Variants in DOK5 observed in about 807,000 individuals in gnomAD.
DOK5 encodes the protein downstream of tyrosine kinase 5.
In DOK5, 27 loss-of-function variants were observed where a neutral mutation model predicts 43.3. The ratio of observed to expected loss-of-function variants is 0.62; its 90% CI spans 0.46 to 0.86. The LOEUF (loss-of-function observed/expected upper bound fraction) is 0.86, where lower values mean the gene tolerates loss of function less well. Ranked by LOEUF, DOK5 falls within the 40% of genes least tolerant of loss-of-function variation. DOK5 has a pLI of 0.00. For missense variants in DOK5, 373 were observed against 392.9 expected (o/e 0.95, Z 0.43); for synonymous variants, 146 against 140.1 (o/e 1.04, Z -0.30).
intron 6 of DOK5, among the ~76,000 whole-genome samples, chr20:54,634,149 A>G (rs1461515833): frequency 6.6e-6 from 1 of 152,180 alleles, no homozygotes; most frequent in Non-Finnish European, 1.5e-5. Flanking sequence ...GTGACAAGCT[A>G]TGCGCAGTGG....
intron 6 of DOK5, among the ~76,000 whole-genome samples, chr20:54,637,366 G>A (rs978272555): frequency 3.9e-5 from 6 of 152,268 alleles, no homozygotes; most frequent in African/African-American, 1.2e-4. Context: ...TGAAGTACAA[G>A]AAGGCATTTG....
chr20:54,619,519 C>A (rs567005800), intron 6 of DOK5, among the ~76,000 whole-genome samples: 12 of 152,298 alleles, frequency 7.9e-5, no homozygotes, highest in Non-Finnish European at 1.5e-4. Flanking sequence ...GTGAAGAATG[C>A]CTGCTTTTAA....
Position 54,605,136 on chromosome 20 carries a change from CAG to C in DOK5, c.600-5238_600-5237del, listed in dbSNP as rs375163730. ...ACACACACACACACACAAACACACA[CAG>C]AGAGAGAGAGAGACAGAGAGAGCCA... is the stretch of plus-strand genomic sequence containing the variant. On this transcript the variant is annotated intron_variant, in intron 5 of 7. Coordinates refer to ENST00000262593, the MANE Select transcript of DOK5 (RefSeq NM_018431.5). Among the ~76,000 whole-genome samples, 14 of 150,784 alleles carry C rather than the reference CAG, an allele frequency of 9.3e-5. No individual in the cohort carries two copies. In the East Asian group the frequency reaches 1.2e-3, roughly 12 times the overall value.
chr20:54,620,850 G>A (rs1182015088), intron 6 of DOK5, among the ~76,000 whole-genome samples: 1 of 152,050 alleles, frequency 6.6e-6, no homozygotes, highest in East Asian at 1.9e-4. Context: ...ACGAGGTGCT[G>A]GGGAAATGGC....
chr20:54,527,665 A>T (rs184845132), intron 1 of DOK5, among the ~76,000 whole-genome samples: 42 of 152,322 alleles, frequency 2.8e-4, no homozygotes, highest in Admixed American at 1.0e-3. Flanking sequence ...GGATTTGAGA[A>T]AGAAAGAACA....
At chr20:54,644,852 G>C (rs1979320637) in intron 7 of DOK5, among the ~76,000 whole-genome samples, 1 of 143,830 alleles carries the variant, frequency 7.0e-6, no homozygotes, top group Non-Finnish European at 1.5e-5. Flanking sequence ...TGGGCAACAA[G>C]AGCAAAACTC....
At chr20:54,593,016 A>T (rs1164135237) in intron 5 of DOK5, among the ~76,000 whole-genome samples, 2 of 152,180 alleles carry the variant, frequency 1.3e-5, no homozygotes, top group Admixed American at 1.3e-4. Context: ...GAAAGTAAAA[A>T]CTGAAGTTCT....
intron 6 of DOK5, among the ~76,000 whole-genome samples, chr20:54,632,532 A>G (rs981989094): frequency 1.3e-5 from 2 of 152,112 alleles, no homozygotes; most frequent in Non-Finnish European, 2.9e-5. Flanking sequence ...AGCGAGAACT[A>G]TTTTCTCTCT....
intron 5 of DOK5, among the ~76,000 whole-genome samples, chr20:54,600,057 T>C (rs1986259171): frequency 6.6e-6 from 1 of 152,158 alleles, no homozygotes; most frequent in Non-Finnish European, 1.5e-5. Context: ...GAGTACGTAA[T>C]CTTAAGAGGT....
intron 2 of DOK5, among the ~76,000 whole-genome samples, chr20:54,584,458 A>C (rs1278500675): frequency 6.6e-6 from 1 of 151,536 alleles, no homozygotes; most frequent in Non-Finnish European, 1.5e-5. Context: ...CTATTCCACC[A>C]GACTCCTTTA....
intron 1 of DOK5, among the ~76,000 whole-genome samples, chr20:54,478,837 C>G (rs1443122312): frequency 1.3e-5 from 2 of 152,090 alleles, no homozygotes; most frequent in African/African-American, 4.8e-5. Context: ...GTATCATTTT[C>G]TTTAATCAAA....
chr20:54,539,309 A>AG (rs1984066705), intron 1 of DOK5, among the ~76,000 whole-genome samples: 1 of 148,182 alleles, frequency 6.7e-6, no homozygotes, highest in East Asian at 2.0e-4. Context: ...AAAAAAAAAA[A>AG]GTGGAGAACA....
intron 2 of DOK5, among the ~76,000 whole-genome samples, chr20:54,562,405 A>T (rs945074391): frequency 6.6e-6 from 1 of 152,130 alleles, no homozygotes; most frequent in Non-Finnish European, 1.5e-5. Flanking sequence ...ATGACATCAT[A>T]TTTTAAATTT....
Position 54,522,643 on chromosome 20 carries a change from G to A in DOK5, c.67-32290G>A, listed in dbSNP as rs544656780. ...CAAGCAACTCTCCTGCCTCAGCTTC[G>A]TAAGTAGCTGGGATTACAGGCGTCC... On this transcript the variant is annotated intron_variant, in intron 1 of 7. Transcript: ENST00000262593. Among the ~76,000 whole-genome samples the A allele has an allele frequency of 2.6e-5, 4 of 150,990 alleles. No individual in the cohort carries two copies. The East Asian group carries it at 7.9e-4, about 30-fold the overall frequency.
chr20:54,642,396 A>G (rs556651114), intron 6 of DOK5, among the ~76,000 whole-genome samples: 2 of 152,016 alleles, frequency 1.3e-5, no homozygotes, highest in African/African-American at 4.8e-5. Context: ...CACCCAACAC[A>G]AGTCAGTTTA....
intron 1 of DOK5, among the ~76,000 whole-genome samples, chr20:54,492,149 TG>T (rs1185699023): frequency 6.6e-6 from 1 of 151,864 alleles, no homozygotes; most frequent in African/African-American, 2.4e-5. Context: ...AAGAAAACAA[TG>T]CAAAAAAGGA....
At chr20:54,567,055 G>A (rs896053871) in intron 2 of DOK5, among the ~76,000 whole-genome samples, 8 of 151,620 alleles carry the variant, frequency 5.3e-5, no homozygotes, top group South Asian at 2.1e-4. Context: ...GAGTGTGTGC[G>A]TTTGTGTGTG....
intron 2 of DOK5, among the ~76,000 whole-genome samples, chr20:54,588,222 CTG>C (rs1985870800): frequency 1.3e-5 from 2 of 152,208 alleles, no homozygotes; most frequent in African/African-American, 4.8e-5. Context: ...TGTTCTACCT[CTG>C]TGAAGTTTTA....
At chr20:54,506,952 C>A (rs1324320921) in intron 1 of DOK5, among the ~76,000 whole-genome samples, 1 of 152,162 alleles carries the variant, frequency 6.6e-6, no homozygotes, top group East Asian at 1.9e-4. Context: ...TGAAGTTAGC[C>A]ATTTACAGTT....
Sources: allele counts gnomAD v4.1 joint callset (sites outside exome capture counted in the v4.1 genomes callset), GRCh38; gene constraint gnomAD v4.1.1; transcripts MANE v1.5; gene names NCBI Gene and HGNC (gene_info 2026-07-23, HGNC 2026-07-21).